Variants in IL7 observed in about 807,000 individuals in gnomAD.
IL7 encodes the protein interleukin 7, also known as interleukin-7.
Under a neutral mutation model 21.6 loss-of-function variants are expected in IL7, and 3 were observed. The observed-to-expected ratio is 0.14, with a 90% CI of 0.06 to 0.36. The LOEUF is 0.36. Ranked by LOEUF, IL7 falls within the 10% of genes least tolerant of loss-of-function variation. The pLI, the probability that IL7 is intolerant of heterozygous loss-of-function variation, is 1.00. For synonymous variants in IL7, 62 were observed against 68.1 expected (o/e 0.91, Z 0.44); for missense variants, 175 against 200.2 (o/e 0.87, Z 0.76).
chr8:78,774,194 C>T (rs142750075), intron 2 of IL7, among the ~76,000 whole-genome samples: 1 of 152,184 alleles, frequency 6.6e-6, no homozygotes, highest in East Asian at 1.9e-4. Context: ...GCAAGAGATA[C>T]CAAGTATTTG....
At chr8:78,802,671 G>C (rs917698001) in intron 1 of IL7, among the ~76,000 whole-genome samples, 5 of 152,086 alleles carry the variant, frequency 3.3e-5, no homozygotes, top group African/African-American at 1.2e-4. Flanking sequence ...GACCTAAGGT[G>C]ATCTGCCCAC....
At chr8:78,689,985 A>G (rs1810154973) in intron 3 of IL7, among the ~76,000 whole-genome samples, 1 of 152,190 alleles carries the variant, frequency 6.6e-6, no homozygotes, top group Non-Finnish European at 1.5e-5. Context: ...TATAGTGTGA[A>G]GTAAGGGGCA....
chr8:78,792,853 AAACAGTT>A (rs1813739511), intron 2 of IL7, among the ~76,000 whole-genome samples: 1 of 152,164 alleles, frequency 6.6e-6, no homozygotes, highest in Non-Finnish European at 1.5e-5. Flanking sequence ...GCCTCTTTAG[AAACAGTT>A]TGCAGTTTCT....
At chr8:78,684,315 G>T (rs1809884055) in intron 4 of IL7, among the ~76,000 whole-genome samples, 1 of 152,222 alleles carries the variant, frequency 6.6e-6, no homozygotes, top group Non-Finnish European at 1.5e-5. Context: ...GGTGGAAGGT[G>T]AAGAAGAATC....
chr8:78,801,826 T>C (rs1814071416), intron 1 of IL7, among the ~76,000 whole-genome samples: 1 of 152,170 alleles, frequency 6.6e-6, no homozygotes, highest in Non-Finnish European at 1.5e-5. Context: ...CCACATCTCA[T>C]AGGTTCCCAG....
At chr8:78,691,589 C>G (rs6980663) in intron 3 of IL7, among the ~76,000 whole-genome samples, 104,220 of 151,936 alleles carry the variant, frequency 0.69, 36,574 homozygotes, top group East Asian at 0.91. Context: ...TATTGATTTG[C>G]TTATGTTTAG....
chr8:78,747,567 G>A (rs898544608), intron 2 of IL7, among the ~76,000 whole-genome samples: 3 of 152,132 alleles, frequency 2.0e-5, no homozygotes, highest in African/African-American at 7.2e-5. Flanking sequence ...TGAAAAAGGT[G>A]TATATTGTTC....
chr8:78,747,049 T>C (rs1369031031), intron 2 of IL7: 2 of 456,728 alleles, frequency 4.4e-6, no homozygotes, highest in East Asian at 6.9e-5. Context: ...TCATAGCTGA[T>C]TGCTGCTTCC....
intron 3 of IL7, among the ~76,000 whole-genome samples, chr8:78,707,794 G>A (rs139947327): frequency 6.4e-4 from 97 of 151,408 alleles, no homozygotes; most frequent in African/African-American, 2.2e-3. Flanking sequence ...TTGTGTTACT[G>A]TATTAAATTA....
intron 2 of IL7, chr8:78,762,025 A>G (rs1356759370): frequency 2.9e-5 from 47 of 1,600,994 alleles, no homozygotes; most frequent in Non-Finnish European, 3.5e-5. Context: ...GAGCATTGCT[A>G]TTGTTGGTTT....
intron 5 of IL7, among the ~76,000 whole-genome samples, chr8:78,734,707 G>T (rs901448559): frequency 6.6e-6 from 1 of 151,956 alleles, no homozygotes; most frequent in Non-Finnish European, 1.5e-5. Context: ...CTAGTTATTG[G>T]GTAACTAGAT....
At chr8:78,754,240 CCTAT>C (rs891327078) in intron 2 of IL7, among the ~76,000 whole-genome samples, 2 of 151,936 alleles carry the variant, frequency 1.3e-5, no homozygotes, top group Non-Finnish European at 2.9e-5. Flanking sequence ...CACAAGCATC[CCTAT>C]AAACCAATAA....
chr8:78,791,869 G>A (rs1454313801), intron 2 of IL7, among the ~76,000 whole-genome samples: 1 of 151,996 alleles, frequency 6.6e-6, no homozygotes, highest in Non-Finnish European at 1.5e-5. Flanking sequence ...TAATTGCTCA[G>A]AGATATGACA....
At chr8:78,781,754 A>G (rs1813338461) in intron 2 of IL7, among the ~76,000 whole-genome samples, 1 of 151,832 alleles carries the variant, frequency 6.6e-6, no homozygotes, top group Non-Finnish European at 1.5e-5. Context: ...CCTGAATTTG[A>G]CTGTTGCCCT....
downstream of IL7, among the ~76,000 whole-genome samples, chr8:78,675,260 T>C (rs1288657296): frequency 6.6e-6 from 1 of 151,822 alleles, no homozygotes; most frequent in Non-Finnish European, 1.5e-5. Flanking sequence ...AAATAATAAT[T>C]CACATAATAC....
chr8:78,770,497 A>T (rs1437947848), intron 2 of IL7, among the ~76,000 whole-genome samples: 1 of 152,128 alleles, frequency 6.6e-6, no homozygotes, highest in East Asian at 1.9e-4. Context: ...GTCATAATCA[A>T]CAAGTTTAAG....
chr8:78,742,066 C>A (rs750212204), intron 2 of IL7, among the ~76,000 whole-genome samples: 12 of 152,028 alleles, frequency 7.9e-5, no homozygotes, highest in Non-Finnish European at 1.8e-4. Context: ...GTAATCCCAG[C>A]CCTTTGGGAG....
chr8:78,795,466 T>C (rs185805052), intron 2 of IL7, among the ~76,000 whole-genome samples: 1 of 152,108 alleles, frequency 6.6e-6, no homozygotes, highest in Non-Finnish European at 1.5e-5. Flanking sequence ...AGCCATGTTT[T>C]GTTTTTTGAA....
chr8:78,684,825 TA>T (rs956972104), intron 4 of IL7, among the ~76,000 whole-genome samples: 4 of 151,950 alleles, frequency 2.6e-5, no homozygotes, highest in African/African-American at 7.2e-5. Flanking sequence ...TTCCACAAAG[TA>T]AAAAAATACT....
Sources: allele counts gnomAD v4.1 joint callset (sites outside exome capture counted in the v4.1 genomes callset), GRCh38; gene constraint gnomAD v4.1.1; transcripts MANE v1.5; gene names NCBI Gene and HGNC (gene_info 2026-07-23, HGNC 2026-07-21).